THRA: variants seen among roughly 807,000 people sequenced by gnomAD.
THRA encodes the protein thyroid hormone receptor alpha, also known as EAR-7.
In THRA, 13 loss-of-function variants were observed where a neutral mutation model predicts 45.0. The ratio of observed to expected loss-of-function variants is 0.29; its 90% CI spans 0.19 to 0.46. The LOEUF (loss-of-function observed/expected upper bound fraction) is 0.46. Ranked by LOEUF, THRA falls within the 20% of genes least tolerant of loss-of-function variation. The pLI, the probability that THRA is intolerant of heterozygous loss-of-function variation, is 1.00. For missense variants in THRA, 278 were observed against 556.1 expected (o/e 0.50, Z 5.03); for synonymous variants, 195 against 214.0 (o/e 0.91, Z 0.78).
In THRA at chr17:40,083,996, G is replaced by A. The variant is rs756504087; in HGVS notation, c.370+14G>A. Reference sequence around the variant, plus strand: ...TGGCCATGGACTGTAAGGGGCCCAGGTGGAGGGAATAGAGCCAGGTGGCCT... The same window carrying A: ...TGGCCATGGACTGTAAGGGGCCCAGATGGAGGGAATAGAGCCAGGTGGCCT... On this transcript the variant is annotated intron_variant, in intron 5 of 8. Coordinates refer to ENST00000450525, the MANE Select transcript of THRA (RefSeq NM_199334.5). The A allele has an allele frequency of 5.6e-6, 9 of 1,604,918 alleles. No individual in the cohort carries two copies. The highest frequency in any genetic ancestry group is 1.1e-5 in the South Asian group (1 of 90,000).
In THRA at chr17:40,092,549, TAAAG is replaced by T. The variant is rs1283647624; in HGVS notation, c.*3099_*3102del. ...CCCGTTGTGTTTTGGGTCAGGATTT[TAAAG>T]AAAGATATTTTTATGGTAATTGTTG... On this transcript the variant is annotated 3_prime_UTR_variant, in exon 9 of 9. Transcript: ENST00000450525. The T allele has an allele frequency of 6.4e-6, 1 of 156,088 alleles. No individual in the cohort carries two copies. Among genetic ancestry groups the T allele is most frequent in the Non-Finnish European group, 1.4e-5 (1 of 70,172 alleles). The allele number at this position is 156,088 out of a possible 1,614,324, so 9.7% of individuals were successfully genotyped here. A position where few individuals can be genotyped will look rare whatever the true frequency, so the allele number is the denominator to read the frequency against.
chr17:40,092,496 AG>A lies in THRA; in HGVS notation c.*3041del, dbSNP rs1987614671. 6.5e-6 allele frequency: 1 copy of A among 153,168 alleles called. No individual in the cohort carries two copies. The highest frequency in any genetic ancestry group is 2.0e-4 in the South Asian group (1 of 4,916). 9.5% of individuals were successfully genotyped at this position (153,168 alleles called of 1,614,324 possible). A position where few individuals can be genotyped will look rare whatever the true frequency, so the allele number is the denominator to read the frequency against. ...CTACTCCTGCCCCACGTTGACAATC[AG>A]TATGTCTGTTATGTGCGATTTTTCA... On this transcript the variant is annotated 3_prime_UTR_variant, in exon 9 of 9. Transcript: ENST00000450525.
intron 1 of THRA, chr17:40,069,132 CCTCT>C (rs1229177615): frequency 2.7e-5 from 4 of 145,648 alleles, no homozygotes; most frequent in Non-Finnish European, 6.1e-5. Context: ...CTTCCCTCTC[CCTCT>C]CTCTCTCCCC....
At chr17:40,080,244 T>A (rs573404942) in intron 4 of THRA, among the ~76,000 whole-genome samples, 112 of 151,918 alleles carry the variant, frequency 7.4e-4, no homozygotes, top group African/African-American at 1.9e-3. Flanking sequence ...TACAAAAAAA[T>A]TTTTAAAGTA....
At chr17:40,062,731 A>G, upstream of THRA, 1 of 117,234 alleles carries the variant, frequency 8.5e-6, no homozygotes. Flanking sequence ...GGCGGGGCAG[A>G]GGCGGCCGAG....
At chr17:40,084,027 G>A in intron 5 of THRA, 45 bp downstream of exon 5, 3 of 1,565,110 alleles carry the variant, frequency 1.9e-6, no homozygotes, top group Non-Finnish European at 2.6e-6. Context: ...GGCCTGGGGT[G>A]GGGATGAGTT....
At chr17:40,062,767 C>G (rs1216468069), upstream of THRA, 2 of 129,720 alleles carry the variant, frequency 1.5e-5, no homozygotes, top group Non-Finnish European at 3.3e-5. Flanking sequence ...TGGCGGGGGT[C>G]CCGGGGCGCG....
chr17:40,064,177 G>A (rs1290037869), intron 1 of THRA, among the ~76,000 whole-genome samples: 3 of 152,106 alleles, frequency 2.0e-5, no homozygotes, highest in Admixed American at 2.0e-4. Context: ...CTGCACCGTG[G>A]AGCTCTGAGG....
chr17:40,093,166 G>A (rs1987650775), downstream of THRA: 3 of 1,613,902 alleles, frequency 1.9e-6, no homozygotes, highest in East Asian at 2.2e-5. The surrounding 1 kb of genome is among the most constrained non-coding windows in gnomAD (Gnocchi z 5.9). Context: ...TTGAGCAGCA[G>A]CTTGGTGAAG....
At chr17:40,068,145 C>T (rs549905778) in intron 1 of THRA, among the ~76,000 whole-genome samples, 23 of 152,280 alleles carry the variant, frequency 1.5e-4, no homozygotes, top group African/African-American at 1.9e-4. Context: ...CAAGCATGAC[C>T]GTGGTGGGAA....
At chr17:40,087,762 T>G (rs1987383912) in intron 7 of THRA, among the ~76,000 whole-genome samples, 1 of 152,022 alleles carries the variant, frequency 6.6e-6, no homozygotes, top group Non-Finnish European at 1.5e-5. Context: ...CAGGCATAAT[T>G]TTTTTTTCTT....
At chr17:40,076,798 C>A in intron 2 of THRA, 73 bp from the exon 3 acceptor site, 1 of 1,508,264 alleles carries the variant, frequency 6.6e-7, no homozygotes. Context: ...TGGGGGATTG[C>A]ATAAGCCTCT....
intron 7 of THRA, among the ~76,000 whole-genome samples, chr17:40,087,326 GA>G (rs1352510350): frequency 4.1e-5 from 5 of 122,478 alleles, no homozygotes; most frequent in Non-Finnish European, 8.0e-5. Context: ...CACACACACA[GA>G]CATATACACC....
At chr17:40,078,446 A>G (rs149089170) in intron 4 of THRA, among the ~76,000 whole-genome samples, 2,279 of 152,272 alleles carry the variant, frequency 0.015, 23 homozygotes, top group Middle Eastern at 0.027. Context: ...GCGCCACTGC[A>G]CTCCGGCCTG....
At chr17:40,084,368 A>T (rs779334836) in intron 5 of THRA, 3 of 545,854 alleles carry the variant, frequency 5.5e-6, no homozygotes. Flanking sequence ...CACCGTCACC[A>T]TAATCCGTTA....
Position 40,082,758 on chromosome 17 carries a change from C to CTTT in THRA, c.223-1053_223-1051dup, listed in dbSNP as rs920725279. 1.6e-3 allele frequency among the ~76,000 whole-genome samples: 108 copies of CTTT among 67,526 alleles called. 25 individuals are homozygous for CTTT. The highest frequency in any genetic ancestry group is 3.5e-3 in the African/African-American group (56 of 15,866). The allele number at this position is 67,526 out of a possible 152,430, so 44.3% of individuals were successfully genotyped here. A position where few individuals can be genotyped will look rare whatever the true frequency, so the allele number is the denominator to read the frequency against. ...AACTGCTACACTATAGAATCGCATGCTTTTTTTTTTTTTTTTTTTTTTTTT... is the reference window on the plus strand; with the variant it reads ...AACTGCTACACTATAGAATCGCATGCTTTTTTTTTTTTTTTTTTTTTTTTTTTT... On this transcript the variant is annotated intron_variant, in intron 4 of 8. Transcript: ENST00000450525.
intron 1 of THRA, among the ~76,000 whole-genome samples, chr17:40,069,436 A>G (rs917510877): frequency 6.6e-6 from 1 of 151,502 alleles, no homozygotes; most frequent in African/African-American, 2.4e-5. Context: ...CAGGGCTTGC[A>G]GGCAACTTCT....
At chr17:40,085,903 A>G (rs999216883) in intron 6 of THRA, among the ~76,000 whole-genome samples, 4 of 152,118 alleles carry the variant, frequency 2.6e-5, no homozygotes, top group African/African-American at 9.7e-5. Context: ...TGGCCTCCCA[A>G]AGTGCTGGGA....
In THRA at chr17:40,069,769, A is replaced by G. The variant is rs543689500; in HGVS notation, c.-297-4423A>G. On this transcript the variant is annotated intron_variant, in intron 1 of 8. Transcript: ENST00000450525. ...CTCCAGCATGGGTGTGGGCATGACC[A>G]CCCACCAGTGGTCATGGGGGATGGA... is the stretch of plus-strand genomic sequence containing the variant. Among the ~76,000 whole-genome samples, 9 of 151,756 alleles carry G rather than the reference A, an allele frequency of 5.9e-5. 1 individual carries two copies. Among genetic ancestry groups the G allele is most frequent in the Admixed American group, 5.2e-4 (8 of 15,266 alleles).
Sources: allele counts gnomAD v4.1 joint callset (sites outside exome capture counted in the v4.1 genomes callset), GRCh38; gene constraint gnomAD v4.1.1; non-coding constraint Gnocchi (gnomAD v3.1); transcripts MANE v1.5; gene names NCBI Gene and HGNC (gene_info 2026-07-23, HGNC 2026-07-21).